Variants in GALNT13 observed in about 807,000 individuals in gnomAD.
GALNT13 encodes polypeptide N-acetylgalactosaminyltransferase 13, also known as UDP-GalNAc:polypeptide N-acetylgalactosaminyltransferase 13.
In GALNT13, 28 loss-of-function variants were observed where a neutral mutation model predicts 64.2. The ratio of observed to expected loss-of-function variants is 0.44; its 90% CI spans 0.32 to 0.60. GALNT13 has a LOEUF of 0.60. Ranked by LOEUF, GALNT13 falls within the 20% of genes least tolerant of loss-of-function variation. The probability of loss-of-function intolerance (pLI) is 0.05; values close to 1 mark genes in which losing one functional copy is unlikely to be tolerated. For synonymous variants in GALNT13, 214 were observed against 224.6 expected (o/e 0.95, Z 0.42); for missense variants, 577 against 669.8 (o/e 0.86, Z 1.53).
the GALNT13 span, among the ~76,000 whole-genome samples, chr2:153,246,110 A>G: frequency 2.0e-5 from 3 of 152,118 alleles, no homozygotes; most frequent in Non-Finnish European, 4.4e-5. Flanking sequence ...AAAAAGGAAA[A>G]AAAAAATGAA....
intron 9 of GALNT13, among the ~76,000 whole-genome samples, chr2:154,368,997 A>AGTTGTTGTT (rs60292131): frequency 3.4e-4 from 51 of 150,772 alleles, no homozygotes; most frequent in Non-Finnish European, 5.3e-4. Context: ...GAAGACACCG[A>AGTTGTTGTT]GTTGTTGTTG....
the GALNT13 span, among the ~76,000 whole-genome samples, chr2:153,172,907 G>C: frequency 1.3e-5 from 2 of 152,096 alleles, no homozygotes; most frequent in Non-Finnish European, 1.5e-5. Context: ...GCAGTCCTTG[G>C]TTTTAATTTT....
chr2:154,408,917 G>A, intron 10 of GALNT13, 67 bp from the exon 11 acceptor site: 1 of 940,106 alleles, frequency 1.1e-6, no homozygotes, highest in Non-Finnish European at 1.7e-6. Context: ...AACATGAGAA[G>A]GATTTGATGA....
chr2:153,175,063 A>G, the GALNT13 span, among the ~76,000 whole-genome samples: 1 of 152,218 alleles, frequency 6.6e-6, no homozygotes, highest in Non-Finnish European at 1.5e-5. Context: ...AAAATGAACC[A>G]TAACAACTAT....
chr2:154,148,378 A>G (rs1415125147), intron 4 of GALNT13, among the ~76,000 whole-genome samples: 2 of 152,184 alleles, frequency 1.3e-5, no homozygotes, highest in Non-Finnish European at 2.9e-5. Context: ...TAGTGCCGCA[A>G]TAAACATACA....
chr2:153,586,110 T>A, the GALNT13 span, among the ~76,000 whole-genome samples: 1 of 151,992 alleles, frequency 6.6e-6, no homozygotes, highest in Non-Finnish European at 1.5e-5. Flanking sequence ...CAGACTTCCA[T>A]AAAACCACAA....
chr2:153,638,118 C>T, the GALNT13 span, among the ~76,000 whole-genome samples: 1 of 151,730 alleles, frequency 6.6e-6, no homozygotes, highest in African/African-American at 2.4e-5. Context: ...ATGGCAAAAT[C>T]CTGGAGGTAT....
the GALNT13 span, among the ~76,000 whole-genome samples, chr2:153,068,655 T>G: frequency 2.6e-5 from 4 of 152,224 alleles, no homozygotes; most frequent in African/African-American, 9.6e-5. Context: ...ATGGTAGATA[T>G]GTAACAAAGT....
intron 4 of GALNT13, among the ~76,000 whole-genome samples, chr2:154,206,728 G>A (rs1325925262): frequency 6.6e-6 from 1 of 151,554 alleles, no homozygotes; most frequent in Non-Finnish European, 1.5e-5. Flanking sequence ...ACCTTGCAGT[G>A]AGCCGAGATT....
At chr2:153,791,182 G>A in the GALNT13 span, among the ~76,000 whole-genome samples, 3 of 152,018 alleles carry the variant, frequency 2.0e-5, no homozygotes, top group South Asian at 6.2e-4. Flanking sequence ...AAGAAAAAAA[G>A]CAAACAACCC....
At chr2:153,616,996 T>C in the GALNT13 span, among the ~76,000 whole-genome samples, 1 of 151,980 alleles carries the variant, frequency 6.6e-6, no homozygotes, top group Non-Finnish European at 1.5e-5. Flanking sequence ...AAAACGATAA[T>C]GGCCAAAGAC....
intron 3 of GALNT13, among the ~76,000 whole-genome samples, chr2:154,101,240 G>A (rs1055544427): frequency 4.0e-5 from 6 of 151,826 alleles, no homozygotes; most frequent in Non-Finnish European, 8.8e-5. Flanking sequence ...AGGAAGGAAT[G>A]TTTCCTCCTC....
the GALNT13 span, among the ~76,000 whole-genome samples, chr2:153,544,319 G>C: frequency 1.3e-4 from 20 of 152,116 alleles, no homozygotes; most frequent in African/African-American, 4.8e-4. Context: ...CTATCCAGTG[G>C]CCATAACTTT....
chr2:153,820,158 G>T, the GALNT13 span, among the ~76,000 whole-genome samples: 1 of 152,162 alleles, frequency 6.6e-6, no homozygotes, highest in Non-Finnish European at 1.5e-5. Flanking sequence ...GAGTGTGAAG[G>T]CTGGTCTTTT....
the GALNT13 span, among the ~76,000 whole-genome samples, chr2:153,547,439 C>T: frequency 6.6e-6 from 1 of 152,152 alleles, no homozygotes; most frequent in African/African-American, 2.4e-5. Context: ...ATTCATACTA[C>T]AGGTAAAATC....
At chr2:153,897,543 G>A (rs1687963982) in intron 1 of GALNT13, among the ~76,000 whole-genome samples, 1 of 152,018 alleles carries the variant, frequency 6.6e-6, no homozygotes, top group Non-Finnish European at 1.5e-5. Context: ...TCCACTACTA[G>A]TTACTATTTT....
intron 3 of GALNT13, among the ~76,000 whole-genome samples, chr2:154,030,488 G>T (rs1698265714): frequency 1.3e-5 from 2 of 152,250 alleles, no homozygotes; most frequent in East Asian, 1.9e-4. Flanking sequence ...AGAATTTATT[G>T]TCAGCAGAGC....
chr2:153,413,667 A>G, the GALNT13 span, among the ~76,000 whole-genome samples: 166 of 152,334 alleles, frequency 1.1e-3, no homozygotes, highest in Non-Finnish European at 2.1e-3. Context: ...TATTCAAAAT[A>G]TCAATGGATA....
At chr2:153,557,038 C>T in the GALNT13 span, among the ~76,000 whole-genome samples, 2 of 152,208 alleles carry the variant, frequency 1.3e-5, no homozygotes, top group Non-Finnish European at 2.9e-5. Context: ...AATTTGACCC[C>T]CCCTTCCATT....
Sources: allele counts gnomAD v4.1 joint callset (sites outside exome capture counted in the v4.1 genomes callset), GRCh38; gene constraint gnomAD v4.1.1; transcripts MANE v1.5; gene names NCBI Gene and HGNC (gene_info 2026-07-23, HGNC 2026-07-21).